ABCG2: variants seen among roughly 807,000 people sequenced by gnomAD.
The protein encoded by ABCG2 is broad substrate specificity ATP-binding cassette transporter ABCG2.
ABCG2 carries 80 observed loss-of-function variants against 73.5 expected under a neutral mutation model. The ratio of observed to expected loss-of-function variants is 1.09; its 90% confidence interval spans 0.91 to 1.31. The LOEUF (loss-of-function observed/expected upper bound fraction) is 1.31, where lower values mean the gene tolerates loss of function less well. Among genes scored for constraint, ABCG2 ranks in the 50% most tolerant of loss-of-function variants. The pLI is 0.00. For synonymous variants in ABCG2, 269 were observed against 282.4 expected (o/e 0.95, Z 0.48); for missense variants, 796 against 786.2 (o/e 1.01, Z -0.15).
In ABCG2 at chr4:88,155,626, C is replaced by T. The variant is rs138215164; in HGVS notation, c.-20+2760G>A. ...AAAAAGTTCAAAAGTAACTCTAGGC[C>T]GGGCACGGTGGCTCATGCCTGTATT... On this transcript the variant is annotated intron_variant, in intron 1 of 15. Transcript: ENST00000237612. 3.9e-4 allele frequency among the ~76,000 whole-genome samples: 59 copies of T among 152,308 alleles called. 1 individual carries two copies. In the East Asian group the frequency reaches 9.7e-3, roughly 25 times the overall value.
chr4:88,173,505 A>C (rs1057192212), intron 1 of ABCG2, among the ~76,000 whole-genome samples: 2 of 152,194 alleles, frequency 1.3e-5, no homozygotes, highest in Non-Finnish European at 2.9e-5. Context: ...TTCCATTAGG[A>C]AGCTCCGAAT....
chr4:88,177,490 G>T (rs1728051539), intron 1 of ABCG2, among the ~76,000 whole-genome samples: 2 of 151,944 alleles, frequency 1.3e-5, no homozygotes, highest in Admixed American at 1.3e-4. Context: ...TAAAAACTAA[G>T]CGGGAGAGAC....
intron 15 of ABCG2, among the ~76,000 whole-genome samples, chr4:88,093,300 C>T (rs1476014575): frequency 6.6e-6 from 1 of 151,982 alleles, no homozygotes; most frequent in African/African-American, 2.4e-5. Context: ...GGTCAGGAGA[C>T]GAGACCATCC....
intron 1 of ABCG2, among the ~76,000 whole-genome samples, chr4:88,193,321 AT>A (rs1453932829): frequency 1.3e-5 from 2 of 152,060 alleles, no homozygotes; most frequent in Non-Finnish European, 2.9e-5. Context: ...CATGAGTGAG[AT>A]TTTTTCTCAA....
chr4:88,152,130 A>G (rs935237752), intron 1 of ABCG2, among the ~76,000 whole-genome samples: 5 of 152,214 alleles, frequency 3.3e-5, no homozygotes, highest in Non-Finnish European at 5.9e-5. Flanking sequence ...TTCTTACCAG[A>G]GCCTAATAGA....
intron 6 of ABCG2, among the ~76,000 whole-genome samples, chr4:88,119,043 T>G (rs761434049): frequency 4.6e-5 from 7 of 152,110 alleles, no homozygotes; most frequent in Non-Finnish European, 1.0e-4. Flanking sequence ...ATTGTAACAA[T>G]CCCCACATAT....
chr4:88,121,285 A>T (rs1296672324), intron 6 of ABCG2, among the ~76,000 whole-genome samples: 1 of 152,208 alleles, frequency 6.6e-6, no homozygotes, highest in South Asian at 2.1e-4. Context: ...AAGATGAAAA[A>T]GGTGTGAAAT....
intron 1 of ABCG2, among the ~76,000 whole-genome samples, chr4:88,201,298 G>T (rs1490337198): frequency 6.7e-6 from 1 of 148,416 alleles, no homozygotes; most frequent in African/African-American, 2.5e-5. Context: ...GTCAGTAAAA[G>T]TTTTTTTAAA....
intron 1 of ABCG2, among the ~76,000 whole-genome samples, chr4:88,176,154 C>CTCGGTTTTTTTTTTTTTTTTTTTTTTTTT (rs1335004081): frequency 7.9e-6 from 1 of 125,814 alleles, no homozygotes; most frequent in African/African-American, 2.8e-5. Context: ...TATGATTATT[C>CTCGGTTTTTTTTTTTTTTTTTTTTTTTTT]TTGTTTTTTT....
At chr4:88,103,931 C>T (rs1367111703) in intron 10 of ABCG2, among the ~76,000 whole-genome samples, 4 of 152,172 alleles carry the variant, frequency 2.6e-5, no homozygotes, top group Non-Finnish European at 5.9e-5. Flanking sequence ...TGTATATATA[C>T]CACATTTTCT....
rs188895374 is a variant in ABCG2, at chr4:88,196,518, T to C, written c.-20+34476A>G. ...GCTTCACACAAGGATTTTCCATTATTTGATGCAAAAGCTGTCAAGTGCATC... is the reference window on the plus strand; with the variant it reads ...GCTTCACACAAGGATTTTCCATTATCTGATGCAAAAGCTGTCAAGTGCATC... On this transcript the variant is annotated intron_variant, in intron 1 of 15. Transcript: ENST00000515655. Among the ~76,000 whole-genome samples, 3 of 152,308 alleles carry C rather than the reference T, an allele frequency of 2.0e-5. No individual in the cohort carries two copies. The East Asian group carries it at 5.8e-4, about 29-fold the overall frequency.
intron 3 of ABCG2, 110 bp from the exon 4 acceptor site, chr4:88,132,027 C>A (rs1724928172): frequency 4.8e-6 from 3 of 625,780 alleles, no homozygotes; most frequent in South Asian, 2.8e-5. Flanking sequence ...TACTTTGAAT[C>A]CAAATTCTAC....
Position 88,138,959 on chromosome 4 carries a change from G to A in ABCG2, c.203+834C>T, listed in dbSNP as rs186998530. On this transcript the variant is annotated intron_variant, in intron 2 of 15. Transcript: ENST00000237612. ...AGTTCAAGACCAGCCTGGCCAACAT[G>A]GTGAAACCCCATCTTGACTAAAAAT... is the stretch of plus-strand genomic sequence containing the variant. Among the ~76,000 whole-genome samples the A allele has an allele frequency of 8.4e-4, 128 of 152,052 alleles. 4 individuals are homozygous for A. The East Asian group carries it at 0.018, about 21-fold the overall frequency.
At chr4:88,097,972 T>C (rs1236997669) in intron 12 of ABCG2, among the ~76,000 whole-genome samples, 1 of 152,182 alleles carries the variant, frequency 6.6e-6, no homozygotes, top group Non-Finnish European at 1.5e-5. Context: ...TGCTGTAACT[T>C]TGTGAGTGAA....
At chr4:88,171,108 G>A (rs968666387) in intron 1 of ABCG2, among the ~76,000 whole-genome samples, 1 of 152,174 alleles carries the variant, frequency 6.6e-6, no homozygotes, top group East Asian at 1.9e-4. Flanking sequence ...ACAGACACGG[G>A]TCTACTTGAG....
At chr4:88,211,016 G>A (rs909696788) in intron 1 of ABCG2, among the ~76,000 whole-genome samples, 4 of 152,010 alleles carry the variant, frequency 2.6e-5, no homozygotes, top group Non-Finnish European at 2.9e-5. Context: ...ACTCGAGGCT[G>A]TAGTGCCCTG....
rs1392550975 is a variant in ABCG2, at chr4:88,113,309, T to A, written c.1188A>T (p.Ile396=). 3 of 1,613,660 alleles carry A rather than the reference T, an allele frequency of 1.9e-6. No homozygotes were observed. Among genetic ancestry groups the A allele is most frequent in the Non-Finnish European group, 2.5e-6 (3 of 1,179,924 alleles). Residue 396 remains isoleucine, a synonymous_variant, in exon 9 of 16, where the codon ATA becomes ATT. Transcript: ENST00000237612. ...KNLLGNPQAS[I]AQIIVTVVLG... ...AAAAGAATCTGCTGGTTACCTGAGCTATAGAGGCCTGGGGATTACCCAGCA... is the reference window on the plus strand; with the variant it reads ...AAAAGAATCTGCTGGTTACCTGAGCAATAGAGGCCTGGGGATTACCCAGCA...
chr4:88,114,266 G>A (rs1045265962), intron 8 of ABCG2, among the ~76,000 whole-genome samples: 10 of 152,114 alleles, frequency 6.6e-5, no homozygotes, highest in South Asian at 2.1e-4. Context: ...ACAAACTGAC[G>A]TTTTCTATTT....
intron 9 of ABCG2, among the ~76,000 whole-genome samples, chr4:88,111,953 G>A (rs1429828124): frequency 1.3e-5 from 2 of 152,030 alleles, no homozygotes; most frequent in African/African-American, 4.8e-5. Flanking sequence ...CAGGTGTTGT[G>A]GTGCACGGCT....
Sources: allele counts gnomAD v4.1 joint callset (sites outside exome capture counted in the v4.1 genomes callset), GRCh38; gene constraint gnomAD v4.1.1; transcripts MANE v1.5; gene names NCBI Gene and HGNC (gene_info 2026-07-23, HGNC 2026-07-21).